The following NR3C2 variants were observed in gnomAD, a reference collection of about 807,000 sequenced individuals.
NR3C2 encodes nuclear receptor subfamily 3 group C member 2, also known as mineralocorticoid receptor.
NR3C2 carries 15 observed loss-of-function variants against 86.4 expected under a neutral mutation model. The ratio of observed to expected loss-of-function variants is 0.17; its 90% confidence interval spans 0.12 to 0.27. NR3C2 has a LOEUF of 0.27. Among genes scored for constraint, NR3C2 ranks in the 10% least tolerant of loss-of-function variants. The pLI is 1.00. For missense variants in NR3C2, 960 were observed against 1,195.6 expected, an observed-to-expected ratio of 0.80 and a Z score of 2.91; for synonymous variants, 458 against 450.5, an observed-to-expected ratio of 1.02 and a Z score of -0.21.
intron 3 of NR3C2, among the ~76,000 whole-genome samples, chr4:148,214,304 C>T (rs1424486235): frequency 6.6e-6 from 1 of 151,926 alleles, no homozygotes; most frequent in Non-Finnish European, 1.5e-5. Context: ...GAAAGATCTC[C>T]TGTTTGTCAG....
intron 2 of NR3C2, among the ~76,000 whole-genome samples, chr4:148,293,833 G>A (rs1449200443): frequency 3.3e-5 from 5 of 152,130 alleles, no homozygotes. Flanking sequence ...GGTTACAAAA[G>A]TCTTCCCAGA....
At chr4:148,131,013 T>C (rs1733021019) in intron 6 of NR3C2, among the ~76,000 whole-genome samples, 2 of 152,006 alleles carry the variant, frequency 1.3e-5, no homozygotes, top group Non-Finnish European at 2.9e-5. Context: ...TTTGTATTTT[T>C]AGTAGAGACG....
intron 4 of NR3C2, among the ~76,000 whole-genome samples, chr4:148,174,109 A>G (rs1379415633): frequency 6.6e-6 from 1 of 152,228 alleles, no homozygotes; most frequent in Non-Finnish European, 1.5e-5. Context: ...TGTTTATTAA[A>G]AAAATAAGTC....
chr4:148,320,086 AT>A (rs1290656476), intron 2 of NR3C2, among the ~76,000 whole-genome samples: 3 of 123,052 alleles, frequency 2.4e-5, no homozygotes, highest in African/African-American at 1.1e-4. Context: ...TTTAGCATGA[AT>A]GGTTGTTGAA....
intron 6 of NR3C2, among the ~76,000 whole-genome samples, chr4:148,121,313 C>T (rs1345885480): frequency 1.3e-5 from 2 of 152,186 alleles, no homozygotes; most frequent in Non-Finnish European, 2.9e-5. Flanking sequence ...TCTTGCAACT[C>T]AACTCTGAAT....
At chr4:148,202,358 A>T (rs1278290018) in intron 3 of NR3C2, among the ~76,000 whole-genome samples, 1 of 152,100 alleles carries the variant, frequency 6.6e-6, no homozygotes, top group Non-Finnish European at 1.5e-5. Flanking sequence ...TCATTAGTAC[A>T]TTTGAGAAGA....
At chr4:148,288,638 T>C (rs1400152485) in intron 2 of NR3C2, among the ~76,000 whole-genome samples, 1 of 152,216 alleles carries the variant, frequency 6.6e-6, no homozygotes, top group Non-Finnish European at 1.5e-5. Context: ...CTCTCTCTTA[T>C]ATACTTTATC....
chr4:148,140,297 A>G (rs1222538784), intron 6 of NR3C2, among the ~76,000 whole-genome samples: 5 of 152,220 alleles, frequency 3.3e-5, no homozygotes, highest in Admixed American at 3.3e-4. Flanking sequence ...TGAGCTCAGG[A>G]GTTCAATGTT....
chr4:148,219,104 C>T (rs1226319853), intron 3 of NR3C2, among the ~76,000 whole-genome samples: 1 of 152,172 alleles, frequency 6.6e-6, no homozygotes, highest in Admixed American at 6.5e-5. Flanking sequence ...TTTTCCATAA[C>T]CTCACCAAAA....
chr4:148,312,313 A>ACTTTG (rs10648420), intron 2 of NR3C2, among the ~76,000 whole-genome samples: 1 of 151,780 alleles, frequency 6.6e-6, no homozygotes, highest in Non-Finnish European at 1.5e-5. Flanking sequence ...ATTTACATTT[A>ACTTTG]TGAGTATGGT....
chr4:148,152,766 C>T (rs972923145), intron 5 of NR3C2, among the ~76,000 whole-genome samples, 153 bp from the exon 6 acceptor site: 1 of 152,130 alleles, frequency 6.6e-6, no homozygotes, highest in Non-Finnish European at 1.5e-5. Context: ...TTACAGAGTG[C>T]CCACCACTGG....
At position 148,250,894 on chromosome 4, in the gene NR3C2, G is replaced by C. The variant is rs572663626; in HGVS notation, c.1897+9084C>G. ...CAATTCCTCCTTTTTCACAGAGCTGGGTCTGCTCAAGCAGGTGTCCTCAGC... is the reference window on the plus strand; with the variant it reads ...CAATTCCTCCTTTTTCACAGAGCTGCGTCTGCTCAAGCAGGTGTCCTCAGC... On this transcript the variant is annotated intron_variant, in intron 3 of 8. Coordinates refer to ENST00000358102, the MANE Select transcript of NR3C2 (RefSeq NM_000901.5). Among the ~76,000 whole-genome samples the C allele has an allele frequency of 5.3e-5, 8 of 152,086 alleles. 1 individual carries two copies. The Middle Eastern group carries it at 0.014, about 259-fold the overall frequency.
At chr4:148,441,712 C>T (rs1179049663) in intron 1 of NR3C2, among the ~76,000 whole-genome samples, 1 of 152,210 alleles carries the variant, frequency 6.6e-6, no homozygotes, top group Non-Finnish European at 1.5e-5. Flanking sequence ...GCACGAATTT[C>T]CAGAGCCCCT....
chr4:148,185,515 T>A (rs1427464577), intron 4 of NR3C2, among the ~76,000 whole-genome samples: 1 of 151,810 alleles, frequency 6.6e-6, no homozygotes, highest in African/African-American at 2.4e-5. Flanking sequence ...TTGAACTACT[T>A]TTTTTTTAAT....
At chr4:148,341,124 T>G (rs1268826199) in intron 2 of NR3C2, among the ~76,000 whole-genome samples, 1 of 152,120 alleles carries the variant, frequency 6.6e-6, no homozygotes, top group Non-Finnish European at 1.5e-5. Context: ...AGGAAATCAG[T>G]GTATCAGAGA....
chr4:148,283,683 T>C (rs1332622502), intron 2 of NR3C2, among the ~76,000 whole-genome samples: 1 of 152,238 alleles, frequency 6.6e-6, no homozygotes, highest in Non-Finnish European at 1.5e-5. Flanking sequence ...TTTTAGAATA[T>C]GGTAAGAAAA....
intron 8 of NR3C2, among the ~76,000 whole-genome samples, chr4:148,103,564 A>G (rs1166335852): frequency 2.6e-5 from 4 of 152,220 alleles, no homozygotes; most frequent in African/African-American, 9.6e-5. Flanking sequence ...ACAACTGGAC[A>G]CTGAAAAATC....
At chr4:148,109,452 G>A (rs1369170240) in intron 8 of NR3C2, among the ~76,000 whole-genome samples, 2 of 152,192 alleles carry the variant, frequency 1.3e-5, no homozygotes, top group East Asian at 1.9e-4. Context: ...TTGGCCCACT[G>A]GTCCTGGGAA....
At chr4:148,307,390 A>G (rs1742682526) in intron 2 of NR3C2, among the ~76,000 whole-genome samples, 1 of 152,214 alleles carries the variant, frequency 6.6e-6, no homozygotes, top group South Asian at 2.1e-4. Context: ...TTTTCAACAG[A>G]ATCATAAGTT....
Sources: gnomAD v4.1 joint callset for allele counts (sites outside exome capture counted in the v4.1 genomes callset) on GRCh38, gnomAD v4.1.1 for gene constraint, MANE v1.5 for transcripts, NCBI Gene and HGNC (gene_info 2026-07-23, HGNC 2026-07-21) for gene names.